GNB5: variants seen among roughly 807,000 people sequenced by gnomAD.
GNB5 encodes G protein subunit beta 5.
In GNB5, 37 loss-of-function variants were observed where a neutral mutation model predicts 55.3. The ratio of observed to expected loss-of-function variants is 0.67; its 90% confidence interval spans 0.51 to 0.88. GNB5 has a LOEUF of 0.88. GNB5 is among the 40% of genes least tolerant of loss of function. The pLI, the probability that GNB5 is intolerant of heterozygous loss-of-function variation, is 0.00. For missense variants in GNB5, 476 were observed against 515.3 expected (o/e 0.92, Z 0.74); for synonymous variants, 219 against 198.5 (o/e 1.10, Z -0.87).
chr15:52,179,677 G>A, intron 3 of GNB5, 91 bp downstream of exon 3: 1 of 792,206 alleles, frequency 1.3e-6, no homozygotes, highest in Non-Finnish European at 1.7e-6. Context: ...TCCCGTCGCA[G>A]CCACGACCGC....
Position 52,149,701 on chromosome 15 carries a change from G to A in GNB5, c.417+183C>T. 4.4e-6 allele frequency: 3 copies of A among 679,258 alleles called. No homozygotes were observed. In the South Asian group the frequency reaches 4.8e-5, roughly 11 times the overall value. 42.1% of individuals were successfully genotyped at this position (679,258 alleles called of 1,614,324 possible). On this transcript the variant is annotated intron_variant, in intron 5 of 12. Coordinates refer to ENST00000261837, the MANE Select transcript of GNB5 (RefSeq NM_016194.4). ...TTGGGGCGAGAGGGGAATAAATGCT[G>A]CAATGGGCTGGCTGAGCTGTTCAAA...
At chr15:52,163,597 C>T (rs895162106) in intron 3 of GNB5, among the ~76,000 whole-genome samples, 4 of 152,200 alleles carry the variant, frequency 2.6e-5, no homozygotes, top group East Asian at 1.9e-4. Context: ...TTCCCCACAG[C>T]GCAGCACAGC....
chr15:52,167,848 A>T (rs924229055), intron 3 of GNB5, among the ~76,000 whole-genome samples: 1 of 152,168 alleles, frequency 6.6e-6, no homozygotes, highest in African/African-American at 2.4e-5. Context: ...TTGGTTCAAC[A>T]TACACAAATC....
chr15:52,151,902 T>C (rs967115423), intron 4 of GNB5, among the ~76,000 whole-genome samples: 1 of 151,660 alleles, frequency 6.6e-6, no homozygotes, highest in African/African-American at 2.4e-5. Flanking sequence ...GCCCAGGAAG[T>C]CAAGGCTGAA....
Position 52,128,258 on chromosome 15 carries a change from G to C in GNB5, c.864-14C>G, listed in dbSNP as rs1303763985. On this transcript the variant is annotated splice_polypyrimidine_tract_variant and intron_variant, in intron 9 of 12. Coordinates refer to ENST00000261837, the MANE Select transcript of GNB5 (RefSeq NM_016194.4). ...CTGGGGTAGTACCTGCAGAGAGAAA[G>C]TACTTTATCTACGGTTGTGACTCCT... 14 of 1,586,698 alleles carry C rather than the reference G, an allele frequency of 8.8e-6. No homozygotes were observed. Among genetic ancestry groups the C allele is most frequent in the East Asian group, 2.2e-5 (1 of 44,762 alleles).
At chr15:52,159,974 G>A (rs981243391) in intron 3 of GNB5, among the ~76,000 whole-genome samples, 24 of 150,848 alleles carry the variant, frequency 1.6e-4, no homozygotes, top group African/African-American at 5.6e-4. Context: ...TTGAGATGGA[G>A]TCTCACTCTG....
At chr15:52,152,745 C>G (rs1317189147) in intron 4 of GNB5, among the ~76,000 whole-genome samples, 1 of 152,106 alleles carries the variant, frequency 6.6e-6, no homozygotes, top group African/African-American at 2.4e-5. Context: ...ATACTCCCAC[C>G]TCAGCGTCCC....
intron 3 of GNB5, among the ~76,000 whole-genome samples, chr15:52,156,697 G>C (rs2034214417): frequency 6.6e-6 from 1 of 152,172 alleles, no homozygotes; most frequent in Non-Finnish European, 1.5e-5. Context: ...AGTGAGCTGA[G>C]ATTGCGCCAC....
intron 7 of GNB5, chr15:52,139,875 T>A: frequency 7.8e-7 from 1 of 1,286,666 alleles, no homozygotes; most frequent in Non-Finnish European, 1.0e-6. Flanking sequence ...GTCTGATGGG[T>A]CTCCACAGAG....
rs146041396 is a variant in GNB5 at position 52,155,370 on chromosome 15, G to C, written c.239-1294C>G. On this transcript the variant is annotated intron_variant, in intron 3 of 12. Coordinates refer to ENST00000261837, the MANE Select transcript of GNB5 (RefSeq NM_016194.4). ...TGTGCCGAGAGGTGCCAACTCTGTGGTCTGAGTCCTATGACAGCAGCGTCC... is the reference window on the plus strand; with the variant it reads ...TGTGCCGAGAGGTGCCAACTCTGTGCTCTGAGTCCTATGACAGCAGCGTCC... Among the ~76,000 whole-genome samples the C allele has an allele frequency of 5.0e-3, 764 of 152,294 alleles. 18 individuals carry two copies. The highest frequency in any genetic ancestry group is 0.026 in the Admixed American group (391 of 15,296).
intron 3 of GNB5, among the ~76,000 whole-genome samples, chr15:52,169,248 A>T (rs944058432): frequency 1.3e-5 from 2 of 151,968 alleles, no homozygotes; most frequent in Non-Finnish European, 2.9e-5. Flanking sequence ...TGAACCTAGG[A>T]GGCGGAGGCT....
intron 12 of GNB5, 135 bp downstream of exon 12, chr15:52,124,338 A>G: frequency 1.6e-6 from 1 of 644,568 alleles, no homozygotes; most frequent in Middle Eastern, 4.3e-4. Context: ...CTGTGGGCAG[A>G]GTGGAAATGA....
At chr15:52,125,837 T>C in intron 11 of GNB5, 111 bp downstream of exon 11, 1 of 634,562 alleles carries the variant, frequency 1.6e-6, no homozygotes, top group Non-Finnish European at 2.9e-6. Context: ...TTTCGCATAC[T>C]GGTCCACAGG....
intron 3 of GNB5, among the ~76,000 whole-genome samples, chr15:52,170,050 G>C (rs1356511655): frequency 6.6e-6 from 1 of 152,142 alleles, no homozygotes; most frequent in African/African-American, 2.4e-5. Flanking sequence ...TTATTAAAAA[G>C]TCAAGAAGTA....
intron 6 of GNB5, among the ~76,000 whole-genome samples, chr15:52,145,676 G>A (rs2033958194): frequency 6.6e-6 from 1 of 151,914 alleles, no homozygotes; most frequent in South Asian, 2.1e-4. Flanking sequence ...ACATGTATGT[G>A]AACATGGGCT....
chr15:52,169,686 G>A (rs1005832353), intron 3 of GNB5, among the ~76,000 whole-genome samples: 17 of 151,624 alleles, frequency 1.1e-4, no homozygotes, highest in African/African-American at 1.7e-4. Context: ...CAAAAATGCC[G>A]AAAGTAATTG....
At position 52,117,102 on chromosome 15, in the gene GNB5, A is replaced by ATATATATATTTTTTTT; in HGVS notation, c.*5654_*5655insAAAAAAAATATATATA. 2 of 87,102 alleles carry ATATATATATTTTTTTT rather than the reference A, an allele frequency of 2.3e-5. No individual in the cohort carries two copies. Among genetic ancestry groups the ATATATATATTTTTTTT allele is most frequent in the Non-Finnish European group, 4.3e-5 (2 of 46,204 alleles). 5.4% of individuals were successfully genotyped at this position (87,102 alleles called of 1,614,324 possible). On this transcript the variant is annotated 3_prime_UTR_variant, in exon 13 of 13. Transcript: ENST00000261837. ...CCACGCCCAGCTAATATATATATAT[A>ATATATATATTTTTTTT]TTTTTTTTTAGTACAGACAGGGTTT...
At chr15:52,189,184 C>T (rs543296047) in intron 1 of GNB5, among the ~76,000 whole-genome samples, 9 of 152,282 alleles carry the variant, frequency 5.9e-5, no homozygotes, top group South Asian at 2.1e-4. Flanking sequence ...GTGGGGTAGC[C>T]GTTTTCCAAT....
chr15:52,188,033 C>G (rs1404211131), intron 1 of GNB5, among the ~76,000 whole-genome samples: 3 of 151,924 alleles, frequency 2.0e-5, no homozygotes, highest in Admixed American at 2.0e-4. Flanking sequence ...GCCCACATGC[C>G]CTACACCAAC....
Sources: gnomAD v4.1 joint callset for allele counts (sites outside exome capture counted in the v4.1 genomes callset) on GRCh38, gnomAD v4.1.1 for gene constraint, MANE v1.5 for transcripts, NCBI Gene and HGNC (gene_info 2026-07-23, HGNC 2026-07-21) for gene names.